The following AGBL4 variants were observed in gnomAD, a reference collection of about 807,000 sequenced individuals.
AGBL4 encodes cytosolic carboxypeptidase 6.
In AGBL4, 58 loss-of-function variants were observed where a neutral mutation model predicts 66.4. The ratio of observed to expected loss-of-function variants is 0.87; its 90% confidence interval spans 0.71 to 1.09. The LOEUF is 1.09. Among genes scored for constraint, AGBL4 ranks in the 50% least tolerant of loss-of-function variants. The pLI, the probability that AGBL4 is intolerant of heterozygous loss-of-function variation, is 0.00. For synonymous variants in AGBL4, 234 were observed against 222.9 expected (o/e 1.05, Z -0.44); for missense variants, 579 against 631.0 (o/e 0.92, Z 0.88).
intron 2 of AGBL4, among the ~76,000 whole-genome samples, chr1:49,754,489 A>T (rs1017274749): frequency 1.3e-5 from 2 of 152,056 alleles, no homozygotes; most frequent in Non-Finnish European, 2.9e-5. Flanking sequence ...AGTCCACTCC[A>T]GGCCCTGTTT....
chr1:49,060,001 T>C (rs1644375142), intron 4 of AGBL4, among the ~76,000 whole-genome samples: 1 of 152,304 alleles, frequency 6.6e-6, no homozygotes, highest in Non-Finnish European at 1.5e-5. Flanking sequence ...TTTGGGTTAA[T>C]GCTGGAATGA....
chr1:48,999,378 T>C (rs1017863082), intron 5 of AGBL4, among the ~76,000 whole-genome samples: 1 of 152,208 alleles, frequency 6.6e-6, no homozygotes, highest in Non-Finnish European at 1.5e-5. Context: ...CAGAAATACC[T>C]TCAGGCTCCC....
intron 4 of AGBL4, among the ~76,000 whole-genome samples, chr1:49,057,802 T>A (rs1352098932): frequency 6.6e-6 from 1 of 152,172 alleles, no homozygotes; most frequent in African/African-American, 2.4e-5. Context: ...AGGGACAGTA[T>A]CTATTTTTTG....
intron 3 of AGBL4, among the ~76,000 whole-genome samples, chr1:49,517,822 T>C (rs181438552): frequency 1.4e-4 from 21 of 152,168 alleles, no homozygotes; most frequent in Admixed American, 8.5e-4. Context: ...AATATATATG[T>C]ACTATTTTAA....
rs531955894 is a variant in AGBL4, at chr1:49,668,793, C to A, written c.282+28520G>T. 2.0e-5 allele frequency among the ~76,000 whole-genome samples: 3 copies of A among 152,168 alleles called. No individual in the cohort carries two copies. The South Asian group carries it at 6.2e-4, about 31-fold the overall frequency. Reference sequence around the variant, plus strand: ...TTGAACCTCAATCTTGCTAAACCATCAACTAAGACATACATTGTTTCCCTC... The same window carrying A: ...TTGAACCTCAATCTTGCTAAACCATAAACTAAGACATACATTGTTTCCCTC... On this transcript the variant is annotated intron_variant, in intron 3 of 13. Transcript: ENST00000371839.
At chr1:49,997,189 A>G (rs762290387) in intron 1 of AGBL4, among the ~76,000 whole-genome samples, 80 of 152,154 alleles carry the variant, frequency 5.3e-4, no homozygotes, top group Non-Finnish European at 5.6e-4. Context: ...TGATGAATAG[A>G]AAAGCACCTC....
chr1:48,776,934 G>A, intron 6 of AGBL4: 3 of 579,380 alleles, frequency 5.2e-6, no homozygotes, highest in Admixed American at 4.4e-5. Flanking sequence ...GGTGCTGGGG[G>A]GGGCGGGGGC....
At chr1:49,539,190 AGTTTT>A in intron 3 of AGBL4, among the ~76,000 whole-genome samples, 1 of 152,298 alleles carries the variant, frequency 6.6e-6, no homozygotes, top group South Asian at 2.1e-4. Flanking sequence ...GTATAATGTC[AGTTTT>A]GTAAACAATT....
At chr1:49,419,638 C>T (rs1471897445) in intron 3 of AGBL4, among the ~76,000 whole-genome samples, 2 of 152,282 alleles carry the variant, frequency 1.3e-5, no homozygotes, top group South Asian at 4.1e-4. Flanking sequence ...AGATCAGCAG[C>T]GTAGTATGTA....
intron 3 of AGBL4, among the ~76,000 whole-genome samples, chr1:49,563,573 G>A (rs1176344403): frequency 1.3e-5 from 2 of 152,006 alleles, no homozygotes; most frequent in South Asian, 2.1e-4. Context: ...TAATCATGTG[G>A]GTTTTGTCTT....
chr1:49,486,883 A>C (rs1042150275), intron 3 of AGBL4, among the ~76,000 whole-genome samples: 1 of 152,038 alleles, frequency 6.6e-6, no homozygotes, highest in African/African-American at 2.4e-5. Context: ...GGTTAGTATG[A>C]ATAATTTTCT....
chr1:48,710,447 G>GTT (rs1352360639), intron 6 of AGBL4, among the ~76,000 whole-genome samples: 1 of 152,200 alleles, frequency 6.6e-6, no homozygotes, highest in Non-Finnish European at 1.5e-5. Context: ...GCGTGGGGTG[G>GTT]TTTGCTTGTG....
At position 49,523,930 on chromosome 1, in the gene AGBL4, G is replaced by A. The variant is rs145644036; in HGVS notation, c.282+173383C>T. On this transcript the variant is annotated intron_variant, in intron 3 of 13. Coordinates refer to ENST00000371839, the MANE Select transcript of AGBL4 (RefSeq NM_032785.4). Reference sequence around the variant, plus strand: ...CAAGGGCCTCAGTCATGTGGTCCAGGGTTCAGACAATGATGAGCATTATCA... The same window carrying A: ...CAAGGGCCTCAGTCATGTGGTCCAGAGTTCAGACAATGATGAGCATTATCA... Among the ~76,000 whole-genome samples, 74 of 151,860 alleles carry A rather than the reference G, an allele frequency of 4.9e-4. 1 individual carries two copies. The highest frequency in any genetic ancestry group is 1.6e-3 in the African/African-American group (66 of 41,434).
At chr1:49,552,385 C>T (rs1653033990) in intron 3 of AGBL4, among the ~76,000 whole-genome samples, 1 of 152,134 alleles carries the variant, frequency 6.6e-6, no homozygotes, top group South Asian at 2.1e-4. Context: ...GTGGTGTTTG[C>T]CCCCCTGCTC....
At chr1:49,245,198 C>T (rs1651539996) in intron 4 of AGBL4, among the ~76,000 whole-genome samples, 2 of 149,200 alleles carry the variant, frequency 1.3e-5, no homozygotes, top group African/African-American at 4.9e-5. Context: ...AATTATTAAC[C>T]AATCCTATCC....
intron 4 of AGBL4, among the ~76,000 whole-genome samples, chr1:49,161,324 C>T (rs1646537620): frequency 6.6e-6 from 1 of 152,160 alleles, no homozygotes. Flanking sequence ...TGACCCCTTG[C>T]ACTTCCTGGG....
chr1:49,565,443 GGTT>G (rs1439666758), intron 3 of AGBL4, among the ~76,000 whole-genome samples: 1 of 152,078 alleles, frequency 6.6e-6, no homozygotes, highest in Non-Finnish European at 1.5e-5. Context: ...GGCTGGTACT[GGTT>G]GTTCCCTTCC....
At chr1:48,763,281 C>T (rs1451078080) in intron 6 of AGBL4, among the ~76,000 whole-genome samples, 1 of 152,168 alleles carries the variant, frequency 6.6e-6, no homozygotes, top group East Asian at 1.9e-4. Context: ...ATGGCTCATT[C>T]TTGCACTCAT....
intron 2 of AGBL4, among the ~76,000 whole-genome samples, chr1:49,804,694 T>C (rs1453420593): frequency 6.6e-6 from 1 of 152,228 alleles, no homozygotes; most frequent in African/African-American, 2.4e-5. Context: ...AGTGTAACTC[T>C]TTATAAATAA....
Sources: allele counts gnomAD v4.1 joint callset (sites outside exome capture counted in the v4.1 genomes callset), GRCh38; gene constraint gnomAD v4.1.1; transcripts MANE v1.5; gene names NCBI Gene and HGNC (gene_info 2026-07-23, HGNC 2026-07-21).